CHD9NB: variants seen among roughly 807,000 people sequenced by gnomAD.
CHD9NB encodes the protein CHD9 neighbor.
At chr16:53,038,245 C>T in the CHD9NB span, among the ~76,000 whole-genome samples, 6 of 152,342 alleles carry the variant, frequency 3.9e-5, no homozygotes, top group Non-Finnish European at 7.3e-5. Flanking sequence ...CTGATTAAAA[C>T]GCTAATCTCT....
At chr16:53,036,295 T>C in the CHD9NB span, among the ~76,000 whole-genome samples, 14 of 152,212 alleles carry the variant, frequency 9.2e-5, no homozygotes, top group Non-Finnish European at 1.6e-4. Flanking sequence ...AGATAGCATT[T>C]ATAAAGCATC....
the CHD9NB span, among the ~76,000 whole-genome samples, chr16:53,042,111 T>C: frequency 1.3e-5 from 2 of 152,174 alleles, no homozygotes; most frequent in African/African-American, 4.8e-5. Flanking sequence ...CTCAGGTTTT[T>C]ATGGCCAAAA....
the CHD9NB span, chr16:53,043,618 C>T: frequency 8.0e-5 from 13 of 163,172 alleles, no homozygotes; most frequent in African/African-American, 1.9e-4. Context: ...ATGACCAAGG[C>T]GCCTTCTGAC....
the CHD9NB span, among the ~76,000 whole-genome samples, chr16:53,042,402 C>T: frequency 6.7e-6 from 1 of 148,972 alleles, no homozygotes; most frequent in African/African-American, 2.5e-5. Context: ...TTCTTTCCCT[C>T]CTCCCTCTCT....
At chr16:53,048,352 T>A in the CHD9NB span, among the ~76,000 whole-genome samples, 20 of 152,154 alleles carry the variant, frequency 1.3e-4, no homozygotes, top group Admixed American at 1.3e-3. Context: ...AGTTAGAGAT[T>A]GCAGTGTGCC....
chr16:53,040,623 C>T, the CHD9NB span, among the ~76,000 whole-genome samples: 2 of 152,188 alleles, frequency 1.3e-5, no homozygotes, highest in Non-Finnish European at 2.9e-5. Context: ...ACAAAGATGG[C>T]ACTTTATGAA....
chr16:53,038,158 G>C, the CHD9NB span, among the ~76,000 whole-genome samples: 2 of 152,098 alleles, frequency 1.3e-5, no homozygotes, highest in Non-Finnish European at 2.9e-5. Context: ...AAAAGAGAGA[G>C]AATTCTCTAC....
the CHD9NB span, among the ~76,000 whole-genome samples, chr16:53,042,029 C>CT: frequency 6.6e-6 from 1 of 152,210 alleles, no homozygotes; most frequent in Non-Finnish European, 1.5e-5. Flanking sequence ...AACTGCTTTG[C>CT]TTTTTGTGCC....
chr16:53,046,978 A>G, the CHD9NB span, among the ~76,000 whole-genome samples: 1 of 152,194 alleles, frequency 6.6e-6, no homozygotes, highest in Non-Finnish European at 1.5e-5. Context: ...CTCAGGGTAC[A>G]CAGCCCTAGG....
the CHD9NB span, chr16:53,047,323 T>C: frequency 1.3e-5 from 2 of 152,180 alleles, no homozygotes; most frequent in Non-Finnish European, 2.9e-5. Context: ...GAATTATACA[T>C]TTACCATAGG....
At chr16:53,047,575 C>T in the CHD9NB span, among the ~76,000 whole-genome samples, 1 of 152,188 alleles carries the variant, frequency 6.6e-6, no homozygotes, top group Non-Finnish European at 1.5e-5. Context: ...ATCCCTTCCT[C>T]TTCTTATAAG....
the CHD9NB span, among the ~76,000 whole-genome samples, chr16:53,042,470 C>T: frequency 6.6e-6 from 1 of 150,384 alleles, no homozygotes; most frequent in African/African-American, 2.5e-5. Context: ...CCTCTTCTCC[C>T]TCTCCCTACC....
chr16:53,042,223 G>T, the CHD9NB span, among the ~76,000 whole-genome samples: 1 of 132,942 alleles, frequency 7.5e-6, no homozygotes, highest in Non-Finnish European at 1.6e-5. Context: ...TTTCCTTCTC[G>T]CCCACCCTCT....
chr16:53,042,593 G>A, the CHD9NB span, among the ~76,000 whole-genome samples: 51 of 70,986 alleles, frequency 7.2e-4, 1 homozygote, highest in South Asian at 0.016. Context: ...CTCCCTCCCC[G>A]TCCCCCACCA....
the CHD9NB span, among the ~76,000 whole-genome samples, chr16:53,040,012 G>A: frequency 2.0e-5 from 3 of 151,976 alleles, no homozygotes; most frequent in Non-Finnish European, 2.9e-5. Flanking sequence ...ACCCCACTGC[G>A]CCCATCAAGA....
chr16:53,036,093 A>G, the CHD9NB span: 1 of 152,216 alleles, frequency 6.6e-6, no homozygotes, highest in Admixed American at 6.5e-5. Flanking sequence ...TCCCAGGTGG[A>G]CACGAAGTTT....
chr16:53,047,336 A>G, the CHD9NB span: 15 of 152,304 alleles, frequency 9.8e-5, no homozygotes, highest in Non-Finnish European at 1.9e-4. Flanking sequence ...ACCATAGGGC[A>G]TTTACCTGTA....
At chr16:53,043,123 C>G in the CHD9NB span, 1 of 152,158 alleles carries the variant, frequency 6.6e-6, no homozygotes, top group Non-Finnish European at 1.5e-5. Context: ...TATTTGATTT[C>G]AAATGAAAAC....
the CHD9NB span, among the ~76,000 whole-genome samples, chr16:53,050,961 T>C: frequency 5.9e-5 from 9 of 152,098 alleles, no homozygotes; most frequent in East Asian, 1.2e-3. Context: ...GATCTTGGCT[T>C]ACTGCAAGCT....
Sources: allele counts gnomAD v4.1 joint callset (sites outside exome capture counted in the v4.1 genomes callset), GRCh38; gene constraint gnomAD v4.1.1; transcripts MANE v1.5; gene names NCBI Gene and HGNC (gene_info 2026-07-23, HGNC 2026-07-21).